LCT: variants seen among roughly 807,000 people sequenced by gnomAD.
LCT encodes lactase/phlorizin hydrolase.
Under a neutral mutation model 173.0 loss-of-function variants are expected in LCT, and 90 were observed. That is an observed-to-expected ratio of 0.52 (90% CI 0.44 to 0.62). LCT has a LOEUF of 0.62. Among genes scored for constraint, LCT ranks in the 20% least tolerant of loss-of-function variants. LCT has a pLI of 0.00. For synonymous variants in LCT, 853 were observed against 957.6 expected (o/e 0.89, Z 2.02); for missense variants, 1,864 against 2,431.4 (o/e 0.77, Z 4.91).
Position 135,809,649 on chromosome 2 carries a change from G to A in LCT, c.2698C>T (p.His900Tyr), listed in dbSNP as rs2077716301. The A allele has an allele frequency of 1.2e-6, 2 of 1,614,078 alleles. No individual in the cohort carries two copies. Among genetic ancestry groups the A allele is most frequent in the South Asian group, 2.2e-5 (2 of 91,082 alleles). ...QPKFERDLFY[H>Y]GTFRDDFLWG... ...AGAAAGTCATCCCGAAACGTCCCGT[G>A]GTAGAACAAATCTCTTTCGAACTTG... The change falls in exon 8 of 17, where the codon CAC (histidine) becomes TAC (tyrosine). Residue 900 changes from histidine to tyrosine, a missense_variant. Physicochemically the swap from His to Tyr is moderately conservative, Grantham distance 83. Around this residue, in one of 4 missense-constraint regions of LCT, gnomAD observed 755 missense variants for 926.3 expected, o/e 0.82. Transcript: ENST00000264162. This position sits in a 1 kb window ranked among gnomAD's most constrained non-coding sequence, Gnocchi z 5.5.
rs2077747373 is a variant in LCT, at chr2:135,812,895, C to T, written c.1769G>A (p.Arg590His). The change falls in exon 7 of 17, where the codon CGC becomes CAC. Residue 590 changes from arginine to histidine, a missense_variant. Arg to His is a conservative substitution (Grantham distance 29, BLOSUM62 0). This residue lies in a region of LCT where 183 missense variants were observed against 293.1 expected (regional missense o/e 0.62). Coordinates refer to ENST00000264162, the MANE Select transcript of LCT (RefSeq NM_002299.4). ...GCCCACGTGCCCCTGCTGCTGTGGG[C>T]GATGATGGCTGTTGTAGTGGTGCCA... ...RTWHHYNSHH[R>H]PQQQGHVGIV... 6.8e-6 allele frequency: 11 copies of T among 1,613,986 alleles called. No homozygotes were observed. The highest frequency in any genetic ancestry group is 2.2e-5 in the East Asian group (1 of 44,894).
chr2:135,835,976 G>GTGTGTATATA (rs1553436126), intron 1 of LCT, among the ~76,000 whole-genome samples: 9 of 80,474 alleles, frequency 1.1e-4, no homozygotes, highest in African/African-American at 4.0e-4. Context: ...ATACATGTGT[G>GTGTGTATATA]TATATATATA....
chr2:135,836,440 G>T (rs1679383179), intron 1 of LCT, 90 bp downstream of exon 1: 6 of 1,167,094 alleles, frequency 5.1e-6, no homozygotes, highest in East Asian at 4.7e-5. Context: ...AAGGTGAGTT[G>T]GGAGAAATGT....
Position 135,836,889 on chromosome 2 carries a change from GC to G in LCT, c.280del (p.Ala94HisfsTer72), listed in dbSNP as rs1301696792. 1 of 1,614,174 alleles carries G rather than the reference GC, an allele frequency of 6.2e-7. No individual in the cohort carries two copies. Among genetic ancestry groups the G allele is most frequent in the African/African-American group, 1.3e-5 (1 of 75,030 alleles). Reference sequence around the variant, plus strand: ...GGTGCTTCCTGCTGGGAGGAGCTGTGCCCATGACAGAAATACCTTATAATGG... The same window carrying G: ...GGTGCTTCCTGCTGGGAGGAGCTGTGCCATGACAGAAATACCTTATAATGG... ...ITHYKVFLSWAQLLPAGSTQN... is the reference protein window; with the variant it reads ...ITHYKVFLSWXQLLPAGSTQN... On this transcript the variant is annotated frameshift_variant, in exon 1 of 17. Coordinates refer to ENST00000264162, the MANE Select transcript of LCT (RefSeq NM_002299.4). LOFTEE classifies it high-confidence loss of function.
chr2:135,798,236 C>CT, intron 12 of LCT, 98 bp from the exon 13 acceptor site: 1 of 769,044 alleles, frequency 1.3e-6, no homozygotes, highest in Non-Finnish European at 2.4e-6. Context: ...CACAACCTCC[C>CT]TCCTTTTCCT....
Position 135,808,794 on chromosome 2 carries a change from G to C in LCT, c.3553C>G (p.Arg1185Gly). 6.2e-7 allele frequency: 1 copy of C among 1,613,520 alleles called. No individual in the cohort carries two copies. Reference protein sequence around the residue: ...RSELQHLATSRLPSFTEEEKR... With the variant: ...RSELQHLATSGLPSFTEEEKR... ...TCTTCCTCAGTGAAGCTTGGCAGGC[G>C]GGAGGTGGCTAAGTGCTGCAGTTCA... Residue 1185 changes from arginine (R) to glycine (G), a missense_variant, in exon 8 of 17, where the codon CGC becomes GGC. By Grantham distance (125) the Arg-to-Gly change is moderately radical. This residue lies in a region of LCT where 755 missense variants were observed against 926.3 expected (regional missense o/e 0.82). Transcript: ENST00000264162.
At position 135,790,387 on chromosome 2, in the gene LCT, C is replaced by T. The variant is rs558435606; in HGVS notation, c.5335+271G>A. Among the ~76,000 whole-genome samples the T allele has an allele frequency of 7.1e-4, 108 of 152,258 alleles. No homozygotes were observed. The highest frequency in any genetic ancestry group is 7.7e-4 in the East Asian group (4 of 5,174). On this transcript the variant is annotated intron_variant, in intron 15 of 16. Transcript: ENST00000264162. This position sits in a 1 kb window ranked among gnomAD's most constrained non-coding sequence, Gnocchi z 4.1. Reference sequence around the variant, plus strand: ...CATTCTCAGGAGGGCACTGCTGTTCCGACATCAGGGAGGATCAAGGGGAGC... The same window carrying T: ...CATTCTCAGGAGGGCACTGCTGTTCTGACATCAGGGAGGATCAAGGGGAGC...
chr2:135,810,513 C>G (rs1454316338), intron 7 of LCT, among the ~76,000 whole-genome samples: 1 of 152,188 alleles, frequency 6.6e-6, no homozygotes, highest in Non-Finnish European at 1.5e-5. Context: ...AAAGGAGCAT[C>G]CCCATCTTCA....
chr2:135,831,269 C>T (rs2077935696), intron 2 of LCT, among the ~76,000 whole-genome samples: 1 of 152,080 alleles, frequency 6.6e-6, no homozygotes, highest in African/African-American at 2.4e-5. Context: ...GAAAATTTTG[C>T]TGGAAGGAGA....
In LCT at chr2:135,788,356, G is replaced by A. The variant is rs775774032; in HGVS notation, c.5752C>T (p.Gln1918Ter). 3 of 1,613,988 alleles carry A rather than the reference G, an allele frequency of 1.9e-6. No individual in the cohort carries two copies. The highest frequency in any genetic ancestry group is 1.1e-5 in the South Asian group (1 of 91,076). The change falls in exon 17 of 17, where the codon CAA becomes TAA. Residue 1918 changes from glutamine (Q) to a stop codon, truncating the protein, a stop_gained. Transcript: ENST00000264162. LOFTEE classifies it high-confidence loss of function. ...RSKQGKTQRS[Q>*]QELSPVSSF ...GAAGACACCGGGCTCAATTCCTGTT[G>A]GCTTCGTTGTGTTTTCCCTTGCTTA...
chr2:135,836,019 T>TATATATAC (rs1444886921), intron 1 of LCT, among the ~76,000 whole-genome samples: 23 of 110,464 alleles, frequency 2.1e-4, no homozygotes, highest in African/African-American at 7.4e-4. Context: ...TATATATGTA[T>TATATATAC]ACATATTTTT....
chr2:135,836,280 A>G (rs1187830220), intron 1 of LCT, among the ~76,000 whole-genome samples: 2 of 151,998 alleles, frequency 1.3e-5, no homozygotes, highest in East Asian at 3.9e-4. Context: ...CGGCCTCCCA[A>G]AGTGCTAGGA....
chr2:135,794,820 T>C (rs1234396775), intron 13 of LCT, 45 bp from the exon 14 acceptor site: 3 of 1,613,072 alleles, frequency 1.9e-6, no homozygotes, highest in South Asian at 1.1e-5. Flanking sequence ...GGGAGAGCCA[T>C]GCTTTGAGAA....
intron 2 of LCT, 90 bp from the exon 3 acceptor site, chr2:135,829,766 T>C: frequency 1.1e-6 from 1 of 879,944 alleles, no homozygotes; most frequent in Non-Finnish European, 1.9e-6. Context: ...TTTCTCCCCT[T>C]ATCACTAAAC....
Position 135,818,057 on chromosome 2 carries a change from A to C in LCT, c.991T>G (p.Ser331Ala). 1 of 1,613,276 alleles carries C rather than the reference A, an allele frequency of 6.2e-7. No individual in the cohort carries two copies. Among genetic ancestry groups the C allele is most frequent in the Non-Finnish European group, 8.5e-7 (1 of 1,180,022 alleles). Reference sequence around the variant, plus strand: ...GCCAGGCTGCCAGTCAGAGAACAAGACATGCTGCAGGATTGAAGGGACAAA... The same window carrying C: ...GCCAGGCTGCCAGTCAGAGAACAAGCCATGCTGCAGGATTGAAGGGACAAA... The part of the protein sequence containing the change: ...SCSSSSKKSM[S>A]CSLTGSLALQ... Residue 331 changes from serine (S) to alanine (A), a missense_variant, in exon 6 of 17, where the codon TCT becomes GCT. Around this residue, in one of 4 missense-constraint regions of LCT, gnomAD observed 412 missense variants for 462.0 expected, o/e 0.89. Transcript: ENST00000264162.
intron 5 of LCT, among the ~76,000 whole-genome samples, chr2:135,818,900 G>C (rs1444346898): frequency 6.6e-6 from 1 of 152,226 alleles, no homozygotes; most frequent in Non-Finnish European, 1.5e-5. Context: ...TTATCAGCTG[G>C]TACAGAAGTA....
intron 10 of LCT, 141 bp downstream of exon 10, chr2:135,804,626 C>T (rs748388792): frequency 1.4e-5 from 12 of 835,370 alleles, no homozygotes; most frequent in East Asian, 8.0e-5. Context: ...GGTGACAGAG[C>T]GAGACTACGT....
At chr2:135,824,924 A>T (rs2077872130) in intron 3 of LCT, among the ~76,000 whole-genome samples, 1 of 151,642 alleles carries the variant, frequency 6.6e-6, no homozygotes, top group East Asian at 1.9e-4. Flanking sequence ...AATCGCTCGA[A>T]CTCAAGAGGC....
At chr2:135,821,191 A>C (rs533841047) in intron 5 of LCT, among the ~76,000 whole-genome samples, 11 of 152,186 alleles carry the variant, frequency 7.2e-5, no homozygotes, top group African/African-American at 2.4e-4. Flanking sequence ...ATCTGCTCTA[A>C]TTTTTTAAAG....
Sources: allele counts gnomAD v4.1 joint callset (sites outside exome capture counted in the v4.1 genomes callset), GRCh38; gene constraint gnomAD v4.1.1; regional missense constraint gnomAD v4.1.1; non-coding constraint Gnocchi (gnomAD v3.1); transcripts MANE v1.5; gene names NCBI Gene and HGNC (gene_info 2026-07-23, HGNC 2026-07-21).